CD247: variants seen among roughly 807,000 people sequenced by gnomAD.
The protein encoded by CD247 is T-cell surface glycoprotein CD3 zeta chain.
Under a neutral mutation model 30.0 loss-of-function variants are expected in CD247, and 13 were observed. That is an observed-to-expected ratio of 0.43 (90% CI 0.28 to 0.69). CD247 has a LOEUF of 0.69. Ranked by LOEUF, CD247 falls within the 30% of genes least tolerant of loss-of-function variation. The pLI is 0.16. For synonymous variants in CD247, 72 were observed against 80.0 expected (o/e 0.90, Z 0.53); for missense variants, 193 against 212.6 (o/e 0.91, Z 0.57).
chr1:167,505,267 T>TTTG (rs1034039643), intron 1 of CD247, among the ~76,000 whole-genome samples: 17 of 151,984 alleles, frequency 1.1e-4, no homozygotes, highest in African/African-American at 2.2e-4. Context: ...AGTAGCTTTT[T>TTTG]TTGTTGTTGT....
At chr1:167,441,348 C>T (rs549517560) in intron 1 of CD247, among the ~76,000 whole-genome samples, 137 of 152,288 alleles carry the variant, frequency 9.0e-4, no homozygotes, top group African/African-American at 3.1e-3. Context: ...ATCTGGTGCT[C>T]GGCTTCCCTT....
intron 1 of CD247, among the ~76,000 whole-genome samples, chr1:167,470,685 GTGTT>G (rs1653477411): frequency 6.6e-6 from 1 of 151,504 alleles, no homozygotes; most frequent in Non-Finnish European, 1.5e-5. Flanking sequence ...GTTAGGGTTT[GTGTT>G]TGTTTGATTT....
At chr1:167,438,387 T>C (rs144814784) in intron 4 of CD247, among the ~76,000 whole-genome samples, 183 bp downstream of exon 4, 1 of 152,204 alleles carries the variant, frequency 6.6e-6, no homozygotes, top group African/African-American at 2.4e-5. Context: ...AGATGCAGAA[T>C]GGAGCCAAGG....
At chr1:167,443,126 C>T (rs1651918469) in intron 1 of CD247, among the ~76,000 whole-genome samples, 1 of 152,158 alleles carries the variant, frequency 6.6e-6, no homozygotes, top group African/African-American at 2.4e-5. Context: ...GAGAGGATGT[C>T]GGTTCAAGAG....
At chr1:167,469,232 C>G (rs529422492) in intron 1 of CD247, among the ~76,000 whole-genome samples, 10 of 152,152 alleles carry the variant, frequency 6.6e-5, no homozygotes, top group East Asian at 5.8e-4. Flanking sequence ...ATCTGCCCCC[C>G]CTCAGCCTCC....
chr1:167,479,775 C>T (rs1231725432), intron 1 of CD247, among the ~76,000 whole-genome samples: 1 of 152,190 alleles, frequency 6.6e-6, no homozygotes, highest in Non-Finnish European at 1.5e-5. Flanking sequence ...GCCCCTTCCT[C>T]CTGCCAGTCC....
At chr1:167,493,037 C>CTTTTTTTTTTTTTTTTTTTTTTT (rs60850667) in intron 1 of CD247, among the ~76,000 whole-genome samples, 1 of 80,366 alleles carries the variant, frequency 1.2e-5, no homozygotes, top group Non-Finnish European at 2.2e-5. Context: ...AATTTTTCTC[C>CTTTTTTTTTTTTTTTTTTTTTTT]TTTTTTTTTT....
intron 1 of CD247, among the ~76,000 whole-genome samples, chr1:167,455,102 G>T (rs1652575978): frequency 6.6e-6 from 1 of 152,210 alleles, no homozygotes; most frequent in South Asian, 2.1e-4. Context: ...GGCACAGGGG[G>T]ACGCCCCGCC....
chr1:167,503,491 G>A (rs1319920211), intron 1 of CD247, among the ~76,000 whole-genome samples: 2 of 152,148 alleles, frequency 1.3e-5, no homozygotes, highest in Admixed American at 6.5e-5. Flanking sequence ...CCCTGGGAAC[G>A]TGTAATGCAC....
chr1:167,461,804 C>T (rs1002802043), intron 1 of CD247, among the ~76,000 whole-genome samples: 11 of 151,432 alleles, frequency 7.3e-5, no homozygotes, highest in Non-Finnish European at 1.3e-4. Context: ...GCCGAGATCA[C>T]GCCACTGCAC....
intron 2 of CD247, 37 bp from the exon 3 acceptor site, chr1:167,439,437 G>C: frequency 6.2e-7 from 1 of 1,607,758 alleles, no homozygotes; most frequent in South Asian, 1.1e-5. Flanking sequence ...ACTGCTCCGC[G>C]AGGGCGCGCA....
At chr1:167,509,648 G>A (rs1236218513) in intron 1 of CD247, among the ~76,000 whole-genome samples, 3 of 152,120 alleles carry the variant, frequency 2.0e-5, no homozygotes, top group Non-Finnish European at 1.5e-5. Context: ...CTCTTCTCTG[G>A]GAACGCCTCA....
rs1218431818 is a variant in CD247, at chr1:167,430,807, C to T, written c.*874G>A. ...ACATTGACGGGTTTTTCCTGTCCTG[C>T]CACTGTCCGCTGGGCAGTTATAGGT... On this transcript the variant is annotated 3_prime_UTR_variant, in exon 8 of 8. Transcript: ENST00000362089. The T allele has an allele frequency of 5.0e-6, 2 of 398,714 alleles. No individual in the cohort carries two copies. The highest frequency in any genetic ancestry group is 4.4e-5 in the Admixed American group (1 of 22,742). The allele number at this position is 398,714 out of a possible 1,614,324, so 24.7% of individuals were successfully genotyped here.
chr1:167,478,836 G>A (rs779659614), intron 1 of CD247, among the ~76,000 whole-genome samples: 11 of 152,074 alleles, frequency 7.2e-5, no homozygotes, highest in Non-Finnish European at 1.3e-4. Context: ...AATTGTATAT[G>A]GTGTAATTCC....
intron 4 of CD247, 96 bp downstream of exon 4, chr1:167,438,474 T>G: frequency 1.0e-6 from 1 of 952,940 alleles, no homozygotes. Context: ...GAGGGTCGAG[T>G]CTGGTTGCAG....
At chr1:167,436,422 T>C (rs1266992603) in intron 4 of CD247, among the ~76,000 whole-genome samples, 2 of 152,166 alleles carry the variant, frequency 1.3e-5, no homozygotes, top group African/African-American at 2.4e-5. Context: ...AAGACAAAGA[T>C]GCCCACACTC....
At chr1:167,434,488 G>T in intron 5 of CD247, 1 of 354,414 alleles carries the variant, frequency 2.8e-6, no homozygotes, top group Non-Finnish European at 5.5e-6. Flanking sequence ...CACAGGAGGG[G>T]CGGGGAGGCA....
chr1:167,471,836 T>C (rs1322167326), intron 1 of CD247, among the ~76,000 whole-genome samples: 4 of 146,676 alleles, frequency 2.7e-5, no homozygotes, highest in Non-Finnish European at 1.5e-5. Flanking sequence ...TCTTTCTTTT[T>C]TTTTTTTTTT....
chr1:167,502,982 G>A (rs1387714152), intron 1 of CD247, among the ~76,000 whole-genome samples: 1 of 152,218 alleles, frequency 6.6e-6, no homozygotes, highest in Non-Finnish European at 1.5e-5. Flanking sequence ...CACTCAGTTT[G>A]TGGCACTTTG....
Sources: allele counts gnomAD v4.1 joint callset (sites outside exome capture counted in the v4.1 genomes callset), GRCh38; gene constraint gnomAD v4.1.1; transcripts MANE v1.5; gene names NCBI Gene and HGNC (gene_info 2026-07-23, HGNC 2026-07-21).